Variants in PDE6C observed in about 807,000 individuals in gnomAD.
The protein encoded by PDE6C is phosphodiesterase 6C.
A neutral mutation model predicts 113.1 loss-of-function variants in PDE6C; 75 were observed. The ratio of observed to expected loss-of-function variants is 0.66; its 90% confidence interval spans 0.55 to 0.80. The LOEUF is 0.80. PDE6C is among the 30% of genes least tolerant of loss of function. The pLI is 0.00. For missense variants in PDE6C, 912 were observed against 1,038.6 expected (o/e 0.88, Z 1.67); for synonymous variants, 375 against 363.7 (o/e 1.03, Z -0.35).
Position 93,665,580 on chromosome 10 carries a change from C to A in PDE6C, c.*162C>A, listed in dbSNP as rs2058686438. 2 of 609,940 alleles carry A rather than the reference C, an allele frequency of 3.3e-6. No homozygotes were observed. The highest frequency in any genetic ancestry group is 2.9e-5 in the Admixed American group (1 of 34,458). 37.8% of individuals were successfully genotyped at this position (609,940 alleles called of 1,614,324 possible). A position where few individuals can be genotyped will look rare whatever the true frequency, so the allele number is the denominator to read the frequency against. ...ATTGCTAGCCCAAAAATCCCAGGGG[C>A]AAAATAAAGTTCAACAAAAGTGCAA... On this transcript the variant is annotated 3_prime_UTR_variant, in exon 22 of 22. Coordinates refer to ENST00000371447, the MANE Select transcript of PDE6C (RefSeq NM_006204.4).
intron 5 of PDE6C, among the ~76,000 whole-genome samples, chr10:93,626,228 A>G (rs144237010): frequency 7.9e-4 from 120 of 152,302 alleles, no homozygotes; most frequent in Admixed American, 3.9e-3. Flanking sequence ...ACGGGTCACT[A>G]TATATAATGT....
chr10:93,661,953 TCAAA>T (rs1363833586), intron 18 of PDE6C, 102 bp from the exon 19 acceptor site: 6 of 783,978 alleles, frequency 7.7e-6, no homozygotes, highest in Non-Finnish European at 1.4e-5. Context: ...TGATAGCACC[TCAAA>T]CATTGACTGT....
At chr10:93,659,563 G>A (rs2093968041) in intron 18 of PDE6C, among the ~76,000 whole-genome samples, 1 of 152,170 alleles carries the variant, frequency 6.6e-6, no homozygotes, top group African/African-American at 2.4e-5. Context: ...CAATCATGGT[G>A]GAAGATGAAG....
At chr10:93,633,642 C>T (rs769277773) in intron 8 of PDE6C, among the ~76,000 whole-genome samples, 2 of 152,130 alleles carry the variant, frequency 1.3e-5, no homozygotes, top group Non-Finnish European at 2.9e-5. Context: ...GCAACTGCCC[C>T]AGTTCCTGGC....
At chr10:93,613,532 C>A (rs984589614) in intron 1 of PDE6C, among the ~76,000 whole-genome samples, 13 of 152,200 alleles carry the variant, frequency 8.5e-5, no homozygotes, top group Non-Finnish European at 1.9e-4. Flanking sequence ...TCCTCCAGTG[C>A]TCTGGGGGAC....
Position 93,613,052 on chromosome 10 carries a change from G to A in PDE6C, c.327G>A (p.Glu109=). ...FLCRSRNGIP[E]VASRLLDVTP... ...GCCGGTCCCGGAACGGCATACCTGAGGTGGCCTCTAGGTTGCTGGATGTCA... is the reference window on the plus strand; with the variant it reads ...GCCGGTCCCGGAACGGCATACCTGAAGTGGCCTCTAGGTTGCTGGATGTCA... The change falls in exon 1 of 22, where the codon GAG becomes GAA. Residue 109 remains glutamate (E), a synonymous_variant. Coordinates refer to ENST00000371447, the MANE Select transcript of PDE6C (RefSeq NM_006204.4). 1 of 1,614,240 alleles carries A rather than the reference G, an allele frequency of 6.2e-7. No individual in the cohort carries two copies. The highest frequency in any genetic ancestry group is 8.5e-7 in the Non-Finnish European group (1 of 1,180,046).
At chr10:93,642,398 T>C (rs1289215672) in intron 14 of PDE6C, among the ~76,000 whole-genome samples, 1 of 152,124 alleles carries the variant, frequency 6.6e-6, no homozygotes, top group Non-Finnish European at 1.5e-5. Flanking sequence ...TCAGGTATTA[T>C]TATGGTTACT....
At chr10:93,646,957 G>C (rs1000505199) in intron 15 of PDE6C, among the ~76,000 whole-genome samples, 4 of 152,222 alleles carry the variant, frequency 2.6e-5, no homozygotes, top group Admixed American at 6.5e-5. Flanking sequence ...TGTGAAGACA[G>C]TGGCAGCGGA....
intron 15 of PDE6C, among the ~76,000 whole-genome samples, chr10:93,652,426 T>G (rs1353585801): frequency 2.0e-5 from 3 of 152,200 alleles, no homozygotes; most frequent in African/African-American, 7.2e-5. Flanking sequence ...TTAGGAGGCT[T>G]GTACATGTTT....
In PDE6C at chr10:93,658,913, G is replaced by C; in HGVS notation, c.2049G>C (p.Met683Ile). The C allele has an allele frequency of 1.2e-6, 2 of 1,606,648 alleles. No individual in the cohort carries two copies. Among genetic ancestry groups the C allele is most frequent in the Non-Finnish European group, 1.7e-6 (2 of 1,173,556 alleles). Residue 683 changes from methionine to isoleucine, a missense_variant, in exon 17 of 22, where the codon ATG becomes ATC. Physicochemically the swap from Met to Ile is conservative, Grantham distance 10 (BLOSUM62 1). Coordinates refer to ENST00000371447, the MANE Select transcript of PDE6C (RefSeq NM_006204.4). Reference sequence around the variant, plus strand: ...GTATCTTTTCTAGGAAGAGGACCATGTTTCAAAAAATTGTTGATGCCTGTG... The same window carrying C: ...GTATCTTTTCTAGGAAGAGGACCATCTTTCAAAAAATTGTTGATGCCTGTG... ...DLALYFKKRT[M>I]FQKIVDACEQ... is the part of the protein sequence containing the mutation.
intron 15 of PDE6C, among the ~76,000 whole-genome samples, chr10:93,651,208 T>A (rs1284674446): frequency 6.6e-6 from 1 of 152,210 alleles, no homozygotes; most frequent in Non-Finnish European, 1.5e-5. Flanking sequence ...AGGGCAGGAA[T>A]GAGCTGGGGA....
chr10:93,650,850 G>C (rs2058606473), intron 15 of PDE6C, among the ~76,000 whole-genome samples: 2 of 151,546 alleles, frequency 1.3e-5, no homozygotes, highest in Admixed American at 1.3e-4. Flanking sequence ...TGAAGGAATT[G>C]GTATACTTTT....
intron 8 of PDE6C, among the ~76,000 whole-genome samples, chr10:93,633,281 C>T (rs558224091): frequency 1.3e-5 from 2 of 152,088 alleles, no homozygotes; most frequent in South Asian, 4.2e-4. Context: ...GCCTGGCCAA[C>T]ATGGTAAAAC....
In PDE6C at chr10:93,662,127, AC is replaced by A; in HGVS notation, c.2280del (p.Ile761PhefsTer3). ...TGGAGAGAACAGTGTTGCAGCAACA[AC>A]CCATTGTAAGACCTTGACATAAAAA... The part of the protein sequence containing the change: ...DLERTVLQQQ[P>X]IPMMDRNKRD... On this transcript the variant is annotated frameshift_variant, in exon 19 of 22. Transcript: ENST00000371447. LOFTEE classifies it high-confidence loss of function. The A allele has an allele frequency of 1.3e-6, 2 of 1,598,482 alleles. No individual in the cohort carries two copies. The highest frequency in any genetic ancestry group is 1.7e-6 in the Non-Finnish European group (2 of 1,165,908).
intron 1 of PDE6C, among the ~76,000 whole-genome samples, chr10:93,616,257 T>C (rs2058419081): frequency 1.3e-5 from 2 of 152,144 alleles, no homozygotes; most frequent in Admixed American, 1.3e-4. Flanking sequence ...CACACACAAC[T>C]TTCCTCTGGC....
chr10:93,621,864 T>G (rs891292769), intron 3 of PDE6C, 68 bp from the exon 4 acceptor site: 4 of 1,388,846 alleles, frequency 2.9e-6, no homozygotes, highest in Non-Finnish European at 4.1e-6. Flanking sequence ...TGTTTTCTTG[T>G]GGTGAATGCT....
intron 1 of PDE6C, among the ~76,000 whole-genome samples, chr10:93,618,532 C>T (rs986349849): frequency 2.0e-5 from 3 of 152,202 alleles, no homozygotes; most frequent in Admixed American, 6.5e-5. Context: ...TGTGTTTCCA[C>T]TTTGGGAAAG....
chr10:93,640,669 C>A lies in PDE6C; in HGVS notation c.1737+112C>A, dbSNP rs2058555152. 2.6e-5 allele frequency: 22 copies of A among 837,536 alleles called. No individual in the cohort carries two copies. In the South Asian group the frequency reaches 3.0e-4, roughly 11 times the overall value. The allele number at this position is 837,536 out of a possible 1,614,324, so 51.9% of individuals were successfully genotyped here. A position where few individuals can be genotyped will look rare whatever the true frequency, so the allele number is the denominator to read the frequency against. On this transcript the variant is annotated intron_variant, in intron 13 of 21. Coordinates refer to ENST00000371447, the MANE Select transcript of PDE6C (RefSeq NM_006204.4). ...ATCAGTAATTTAAAAATTCAGGGCA[C>A]AAACCCCTCTCCGCTGCAGATGAGT...
chr10:93,617,982 TG>T (rs2134591698), intron 1 of PDE6C, among the ~76,000 whole-genome samples: 1 of 152,172 alleles, frequency 6.6e-6, no homozygotes, highest in African/African-American at 2.4e-5. Context: ...CACTTTGGTC[TG>T]AGGGTGAAGA....
Sources: allele counts gnomAD v4.1 joint callset (sites outside exome capture counted in the v4.1 genomes callset), GRCh38; gene constraint gnomAD v4.1.1; transcripts MANE v1.5; gene names NCBI Gene and HGNC (gene_info 2026-07-23, HGNC 2026-07-21).